SMARCA2: variants seen among roughly 807,000 people sequenced by gnomAD.
SMARCA2 encodes SWI/SNF-related matrix-associated actin-dependent regulator of chromatin subfamily A member 2.
A neutral mutation model predicts 199.8 loss-of-function variants in SMARCA2; 61 were observed. The ratio of observed to expected loss-of-function variants is 0.31; its 90% CI spans 0.25 to 0.38. SMARCA2 has a LOEUF of 0.38. Ranked by LOEUF, SMARCA2 falls within the 10% of genes least tolerant of loss-of-function variation. SMARCA2 has a pLI of 1.00. For synonymous variants in SMARCA2, 935 were observed against 732.0 expected (o/e 1.28, Z -4.48); for missense variants, 1,344 against 2,012.2 (o/e 0.67, Z 6.35).
At chr9:2,142,430 G>A (rs563341293) in intron 27 of SMARCA2, among the ~76,000 whole-genome samples, 9 of 152,274 alleles carry the variant, frequency 5.9e-5, no homozygotes, top group African/African-American at 2.2e-4. Context: ...AAACTGGCCT[G>A]TTTGGGGATT....
intron 27 of SMARCA2, among the ~76,000 whole-genome samples, chr9:2,155,622 GTATT>G (rs1222983794): frequency 2.7e-5 from 4 of 146,920 alleles, no homozygotes. Flanking sequence ...CTAAAATAGT[GTATT>G]AATTGACCTT....
chr9:2,192,957 C>CAAAG lies in SMARCA2; in HGVS notation c.*220_*223dup, dbSNP rs1002621000. 5 of 496,660 alleles carry CAAAG rather than the reference C, an allele frequency of 1.0e-5. No homozygotes were observed. The Admixed American group carries it at 1.1e-4, about 11-fold the overall frequency. 30.8% of individuals were successfully genotyped at this position (496,660 alleles called of 1,614,324 possible). A position where few individuals can be genotyped will look rare whatever the true frequency, so the allele number is the denominator to read the frequency against. On this transcript the variant is annotated 3_prime_UTR_variant, in exon 34 of 34. Coordinates refer to ENST00000349721, the MANE Select transcript of SMARCA2 (RefSeq NM_003070.5). ...TAACATATTGTGACCAAATGGGCCT[C>CAAAG]AAAGATTCAGATTGAAACAAACAAA...
Position 2,182,146 on chromosome 9 carries a change from G to A in SMARCA2, c.4365G>A (p.Arg1455=), listed in dbSNP as rs746908663. Residue 1455 remains arginine (R), a synonymous_variant, in exon 31 of 34, where the codon AGG becomes AGA. Coordinates refer to ENST00000349721, the MANE Select transcript of SMARCA2 (RefSeq NM_003070.5). ...KPVDFKKIKE[R]IRNHKYRSLG... ...TTCTCCAAAATTTCCATCAGGAAAG[G>A]ATTCGTAATCATAAGTACCGGAGCC... 5.0e-6 allele frequency: 8 copies of A among 1,602,002 alleles called. No individual in the cohort carries two copies. The highest frequency in any genetic ancestry group is 1.3e-5 in the African/African-American group (1 of 74,612).
At chr9:2,185,815 C>T (rs147827088) in intron 31 of SMARCA2, among the ~76,000 whole-genome samples, 9 of 152,140 alleles carry the variant, frequency 5.9e-5, no homozygotes, top group Non-Finnish European at 8.8e-5. Context: ...TTAAAAAATA[C>T]CATTTTTGTT....
intron 19 of SMARCA2, among the ~76,000 whole-genome samples, chr9:2,094,710 A>G (rs754313459): frequency 6.6e-6 from 1 of 152,248 alleles, no homozygotes; most frequent in Non-Finnish European, 1.5e-5. Flanking sequence ...TTCCTAATCT[A>G]TAAAATGAGA....
At chr9:2,051,754 G>A (rs141866646) in intron 5 of SMARCA2, among the ~76,000 whole-genome samples, 34 of 152,304 alleles carry the variant, frequency 2.2e-4, no homozygotes, top group African/African-American at 6.0e-4. Context: ...ATGGGCTCAC[G>A]CCACTATAAT....
chr9:2,100,538 C>G (rs1413469218), intron 21 of SMARCA2, among the ~76,000 whole-genome samples: 1 of 152,032 alleles, frequency 6.6e-6, no homozygotes, highest in Non-Finnish European at 1.5e-5. Context: ...CCTGTTTCTA[C>G]TAAAAATACA....
chr9:2,099,773 C>G (rs1822429689), intron 21 of SMARCA2, among the ~76,000 whole-genome samples: 1 of 152,162 alleles, frequency 6.6e-6, no homozygotes, highest in South Asian at 2.1e-4. Flanking sequence ...GATGCTGAGC[C>G]TCAAAATGGG....
intron 27 of SMARCA2, among the ~76,000 whole-genome samples, chr9:2,124,469 G>C (rs1823599806): frequency 1.3e-5 from 2 of 152,216 alleles, no homozygotes; most frequent in South Asian, 4.1e-4. Context: ...CTTTGTACTT[G>C]CTTGGTTTGA....
At chr9:2,052,384 G>C (rs1006200081) in intron 5 of SMARCA2, among the ~76,000 whole-genome samples, 1 of 152,224 alleles carries the variant, frequency 6.6e-6, no homozygotes, top group Admixed American at 6.5e-5. Context: ...TGAGAGGCAG[G>C]AGAATCGCTT....
Position 2,044,555 on chromosome 9 carries a change from G to T in SMARCA2, c.791-2674G>T, listed in dbSNP as rs1226630706. ...TGGCAATAAAACGACAAAAGCCGAGGGTTGAACAGGTAGACACTGTTATCT... is the reference window on the plus strand; with the variant it reads ...TGGCAATAAAACGACAAAAGCCGAGTGTTGAACAGGTAGACACTGTTATCT... On this transcript the variant is annotated intron_variant, in intron 4 of 33. Coordinates refer to ENST00000349721, the MANE Select transcript of SMARCA2 (RefSeq NM_003070.5). 8.5e-5 allele frequency: 13 copies of T among 152,364 alleles called. 1 individual carries two copies. The East Asian group carries it at 2.5e-3, about 29-fold the overall frequency. 9.4% of individuals were successfully genotyped at this position (152,364 alleles called of 1,614,324 possible). A position where few individuals can be genotyped will look rare whatever the true frequency, so the allele number is the denominator to read the frequency against.
At chr9:2,041,206 C>G in intron 4 of SMARCA2, 1 of 396,870 alleles carries the variant, frequency 2.5e-6, no homozygotes, top group Non-Finnish European at 4.4e-6. Context: ...GTAGGCCTAC[C>G]TAAGAGATAT....
At chr9:2,088,374 A>C (rs1035736820) in intron 18 of SMARCA2, 126 bp from the exon 19 acceptor site, 25 of 1,092,074 alleles carry the variant, frequency 2.3e-5, no homozygotes, top group Non-Finnish European at 2.2e-5. Flanking sequence ...TGACAGGCTT[A>C]AACTTGGCTT....
At chr9:2,147,241 C>CA (rs5895958) in intron 27 of SMARCA2, among the ~76,000 whole-genome samples, 1,706 of 106,482 alleles carry the variant, frequency 0.016, 45 homozygotes, top group African/African-American at 0.049. Context: ...ACTGAGTGAC[C>CA]AAAAAAAAAA....
chr9:2,129,292 C>T (rs1163986222), intron 27 of SMARCA2, among the ~76,000 whole-genome samples: 2 of 152,108 alleles, frequency 1.3e-5, no homozygotes, highest in Non-Finnish European at 2.9e-5. Context: ...GTGGCACGTG[C>T]CTGTAGTCCC....
chr9:2,138,673 C>G (rs892903952), intron 27 of SMARCA2, among the ~76,000 whole-genome samples: 1 of 152,190 alleles, frequency 6.6e-6, no homozygotes, highest in Non-Finnish European at 1.5e-5. Context: ...CTGATTTGCT[C>G]TGCAACATCT....
At chr9:2,075,905 A>T (rs750621691) in intron 12 of SMARCA2, among the ~76,000 whole-genome samples, 1 of 152,206 alleles carries the variant, frequency 6.6e-6, no homozygotes, top group Non-Finnish European at 1.5e-5. Flanking sequence ...GAGTGAGAGC[A>T]GATATGCTCT....
At position 2,170,316 on chromosome 9, in the gene SMARCA2, G is replaced by T; in HGVS notation, c.4200-103G>T. The T allele has an allele frequency of 6.9e-7, 1 of 1,457,584 alleles. No individual in the cohort carries two copies. Among genetic ancestry groups the T allele is most frequent in the Non-Finnish European group, 9.4e-7 (1 of 1,061,376 alleles). 90.3% of individuals were successfully genotyped at this position (1,457,584 alleles called of 1,614,324 possible). ...TCTTCCTAACAAGGCAGGTTGGTGA[G>T]GAGACTGAGGCTTGGCCAGGTCACC... On this transcript the variant is annotated intron_variant, in intron 28 of 33. Transcript: ENST00000349721. The surrounding 1 kb of genome is among the most constrained non-coding windows in gnomAD (Gnocchi z 4.7).
intron 2 of SMARCA2, among the ~76,000 whole-genome samples, chr9:2,029,491 A>G (rs1175890685): frequency 6.6e-6 from 1 of 152,228 alleles, no homozygotes; most frequent in Non-Finnish European, 1.5e-5. Flanking sequence ...CAGTTCTGAT[A>G]AGTAGATCCT....
Sources: allele counts gnomAD v4.1 joint callset (sites outside exome capture counted in the v4.1 genomes callset), GRCh38; gene constraint gnomAD v4.1.1; non-coding constraint Gnocchi (gnomAD v3.1); transcripts MANE v1.5; gene names NCBI Gene and HGNC (gene_info 2026-07-23, HGNC 2026-07-21).